The following CSMD1 variants were observed in gnomAD, a reference collection of about 807,000 sequenced individuals.
The protein encoded by CSMD1 is CUB and Sushi multiple domains 1.
In CSMD1, 213 loss-of-function variants were observed where a neutral mutation model predicts 417.5. That is an observed-to-expected ratio of 0.51 (90% confidence interval 0.46 to 0.57). The LOEUF (loss-of-function observed/expected upper bound fraction) is 0.57. CSMD1 is among the 20% of genes least tolerant of loss of function. The probability of loss-of-function intolerance (pLI) is 0.00; values close to 1 mark genes in which losing one functional copy is unlikely to be tolerated. For missense variants in CSMD1, 6,923 were observed against 4,529.7 expected, an observed-to-expected ratio of 1.53 and a Z score of -15.17; for synonymous variants, 2,862 against 1,736.8, an observed-to-expected ratio of 1.65 and a Z score of -16.11.
intron 5 of CSMD1, among the ~76,000 whole-genome samples, chr8:3,846,078 G>A (rs1362344924): frequency 7.2e-6 from 1 of 139,754 alleles, no homozygotes; most frequent in Non-Finnish European, 1.6e-5. Flanking sequence ...AAAATAATAA[G>A]CAGCAGTAGA....
rs1563131918 is a variant in CSMD1, at chr8:3,838,670, T to TAATATTATATAGTATACTATATAATA, written c.819-84629_819-84628insTATTATATAGTATACTATATAATATT. ...TTATATAGTATAATATATAATAAAT[T>TAATATTATATAGTATACTATATAATA]AATATTATATAGTATAATATATAAT... On this transcript the variant is annotated intron_variant, in intron 5 of 69. Transcript: ENST00000635120. Among the ~76,000 whole-genome samples the TAATATTATATAGTATACTATATAATA allele has an allele frequency of 2.8e-5, 3 of 107,536 alleles. No homozygotes were observed. The South Asian group carries it at 8.3e-4, about 30-fold the overall frequency. 70.5% of individuals were successfully genotyped at this position (107,536 alleles called of 152,430 possible). A position where few individuals can be genotyped will look rare whatever the true frequency, so the allele number is the denominator to read the frequency against.
At chr8:4,457,470 A>G (rs1251191128) in intron 2 of CSMD1, among the ~76,000 whole-genome samples, 1 of 152,070 alleles carries the variant, frequency 6.6e-6, no homozygotes, top group African/African-American at 2.4e-5. Flanking sequence ...TGCTTATTGG[A>G]AAAGATTACC....
intron 3 of CSMD1, among the ~76,000 whole-genome samples, chr8:4,140,637 C>T (rs1343200739): frequency 1.3e-5 from 2 of 150,824 alleles, no homozygotes. Context: ...CACTGCACTC[C>T]AGGCTGGGCA....
chr8:4,436,547 CTG>C lies in CSMD1; in HGVS notation c.303-16484_303-16483del, dbSNP rs200161882. On this transcript the variant is annotated intron_variant, in intron 2 of 69. Coordinates refer to ENST00000635120, the MANE Select transcript of CSMD1 (RefSeq NM_033225.6). ...TCAAGTAACAAACAATCCGATCACA[CTG>C]TAAGTTATTTTAAAATTGACAGTTA... 9.6e-3 allele frequency among the ~76,000 whole-genome samples: 1,468 copies of C among 152,262 alleles called. 23 individuals carry two copies. Among genetic ancestry groups the C allele is most frequent in the African/African-American group, 0.033 (1,381 of 41,552 alleles).
chr8:4,936,239 G>T, intron 1 of CSMD1, among the ~76,000 whole-genome samples: 1 of 152,146 alleles, frequency 6.6e-6, no homozygotes, highest in East Asian at 1.9e-4. Context: ...TGTGCCCACA[G>T]ATATTATATC....
intron 2 of CSMD1, among the ~76,000 whole-genome samples, chr8:4,484,820 A>C (rs1801283958): frequency 6.6e-6 from 1 of 151,888 alleles, no homozygotes; most frequent in African/African-American, 2.4e-5. Context: ...AATACAAAAA[A>C]AAATTAGCCG....
chr8:4,539,333 G>C (rs947915394), intron 2 of CSMD1, among the ~76,000 whole-genome samples: 2 of 152,184 alleles, frequency 1.3e-5, no homozygotes, highest in African/African-American at 4.8e-5. Context: ...AGTCTAAATA[G>C]ACTTCCCAAT....
At chr8:4,252,004 G>A (rs184663086) in intron 3 of CSMD1, among the ~76,000 whole-genome samples, 10 of 152,208 alleles carry the variant, frequency 6.6e-5, no homozygotes, top group Admixed American at 3.9e-4. Flanking sequence ...CAAGCATAGA[G>A]AACTTACGTA....
intron 3 of CSMD1, among the ~76,000 whole-genome samples, chr8:4,043,082 A>T (rs549852483): frequency 2.6e-5 from 4 of 152,198 alleles, no homozygotes; most frequent in East Asian, 1.9e-4. Context: ...CAGTGAGCGG[A>T]AATTGCACCA....
intron 40 of CSMD1, among the ~76,000 whole-genome samples, chr8:3,144,247 C>T (rs558321673): frequency 7.3e-5 from 11 of 151,134 alleles, no homozygotes; most frequent in East Asian, 2.0e-4. Context: ...CCCGCACTAA[C>T]GGACAAAGGC....
chr8:3,397,986 C>G (rs1811804977), intron 16 of CSMD1, among the ~76,000 whole-genome samples: 1 of 152,134 alleles, frequency 6.6e-6, no homozygotes, highest in South Asian at 2.1e-4. Flanking sequence ...GTACAGATCA[C>G]ACATGTCTAA....
intron 23 of CSMD1, among the ~76,000 whole-genome samples, chr8:3,317,984 T>C (rs1805888034): frequency 6.6e-6 from 1 of 152,128 alleles, no homozygotes; most frequent in South Asian, 2.1e-4. Context: ...CTAATATTTG[T>C]ATCTTTTGTA....
intron 2 of CSMD1, among the ~76,000 whole-genome samples, chr8:4,564,962 A>G (rs1298078701): frequency 6.6e-6 from 1 of 152,160 alleles, no homozygotes; most frequent in African/African-American, 2.4e-5. Context: ...TGTGCTCAAA[A>G]GAATGTGGGT....
At chr8:4,862,163 T>A (rs530455250) in intron 1 of CSMD1, among the ~76,000 whole-genome samples, 1 of 151,820 alleles carries the variant, frequency 6.6e-6, no homozygotes, top group Non-Finnish European at 1.5e-5. Flanking sequence ...GAACGGGAGC[T>A]GAGGTGGGAG....
intron 3 of CSMD1, among the ~76,000 whole-genome samples, chr8:4,290,597 A>G (rs1378918868): frequency 6.6e-6 from 1 of 152,212 alleles, no homozygotes; most frequent in East Asian, 1.9e-4. Flanking sequence ...CATACAATTT[A>G]CCAAGGACAG....
rs374277881 is a variant in CSMD1, at chr8:3,729,796, A to G, written c.932-21305T>C. 5.9e-5 allele frequency among the ~76,000 whole-genome samples: 9 copies of G among 152,038 alleles called. No individual in the cohort carries two copies. The East Asian group carries it at 9.7e-4, about 16-fold the overall frequency. On this transcript the variant is annotated intron_variant, in intron 6 of 69. Transcript: ENST00000635120. Reference sequence around the variant, plus strand: ...TCAGGTGATAGATATCCTGATGACCATGATTTCTTCATTCTACAGCATATT... The same window carrying G: ...TCAGGTGATAGATATCCTGATGACCGTGATTTCTTCATTCTACAGCATATT...
chr8:4,803,473 G>A (rs1428376831), intron 1 of CSMD1, among the ~76,000 whole-genome samples: 1 of 152,172 alleles, frequency 6.6e-6, no homozygotes, highest in Non-Finnish European at 1.5e-5. Flanking sequence ...AGGGTTAGGG[G>A]TCAGAAAGCC....
chr8:3,395,111 C>T (rs1031946507), intron 17 of CSMD1, among the ~76,000 whole-genome samples: 3 of 151,956 alleles, frequency 2.0e-5, no homozygotes, highest in Admixed American at 6.6e-5. Context: ...GGCAAGAAAA[C>T]GAACAAAAGG....
chr8:3,227,771 CTT>C (rs752654638), intron 27 of CSMD1, among the ~76,000 whole-genome samples: 18 of 142,204 alleles, frequency 1.3e-4, no homozygotes, highest in Admixed American at 1.4e-4. Flanking sequence ...AAACTTTTTT[CTT>C]TTTTTTTTTT....
Sources: gnomAD v4.1 joint callset for allele counts (sites outside exome capture counted in the v4.1 genomes callset) on GRCh38, gnomAD v4.1.1 for gene constraint, MANE v1.5 for transcripts, NCBI Gene and HGNC (gene_info 2026-07-23, HGNC 2026-07-21) for gene names.